SRGAP1: variants seen among roughly 807,000 people sequenced by gnomAD.
SRGAP1 encodes SLIT-ROBO Rho GTPase-activating protein 1.
A neutral mutation model predicts 121.9 loss-of-function variants in SRGAP1; 43 were observed. That is an observed-to-expected ratio of 0.35 (90% CI 0.28 to 0.46). SRGAP1 has a LOEUF of 0.46. SRGAP1 is among the 20% of genes least tolerant of loss of function. SRGAP1 has a pLI of 1.00. For missense variants in SRGAP1, 1,102 were observed against 1,350.9 expected, an observed-to-expected ratio of 0.82 and a Z score of 2.89; for synonymous variants, 447 against 485.4, an observed-to-expected ratio of 0.92 and a Z score of 1.04.
At chr12:64,012,152 A>G (rs1025626087) in intron 3 of SRGAP1, among the ~76,000 whole-genome samples, 1 of 152,184 alleles carries the variant, frequency 6.6e-6, no homozygotes, top group African/African-American at 2.4e-5. Context: ...CATTTTCATG[A>G]TGGAAAAAGA....
chr12:64,054,756 C>CT (rs1324952435), intron 6 of SRGAP1, among the ~76,000 whole-genome samples: 2 of 151,530 alleles, frequency 1.3e-5, no homozygotes, highest in African/African-American at 2.4e-5. Flanking sequence ...TATTATTATA[C>CT]TTTAAGTTTT....
At chr12:64,078,204 A>G (rs1039248370) in intron 8 of SRGAP1, among the ~76,000 whole-genome samples, 1 of 152,332 alleles carries the variant, frequency 6.6e-6, no homozygotes, top group East Asian at 1.9e-4. Flanking sequence ...AATTCTATTC[A>G]TATATGTGTG....
chr12:64,052,708 G>A (rs1262600371), intron 6 of SRGAP1, among the ~76,000 whole-genome samples: 1 of 152,042 alleles, frequency 6.6e-6, no homozygotes, highest in Non-Finnish European at 1.5e-5. Flanking sequence ...ACTTGTACCT[G>A]CCAATCTTTT....
chr12:64,002,246 C>G (rs1313420847), intron 3 of SRGAP1, among the ~76,000 whole-genome samples: 1 of 152,192 alleles, frequency 6.6e-6, no homozygotes, highest in Non-Finnish European at 1.5e-5. Context: ...ACCAGACAAT[C>G]CCAAAATGGC....
At chr12:63,867,694 A>G (rs982677359) in intron 1 of SRGAP1, among the ~76,000 whole-genome samples, 4 of 152,198 alleles carry the variant, frequency 2.6e-5, no homozygotes, top group Non-Finnish European at 5.9e-5. Context: ...TAAGGGCTCA[A>G]TAACAATGAG....
intron 1 of SRGAP1, among the ~76,000 whole-genome samples, chr12:63,916,034 T>TA (rs1478094331): frequency 4.4e-5 from 2 of 45,216 alleles, no homozygotes; most frequent in African/African-American, 2.6e-4. Flanking sequence ...TTTCTTTTCT[T>TA]TTTTTTTTTT....
intron 1 of SRGAP1, among the ~76,000 whole-genome samples, chr12:63,980,667 C>G (rs751873448): frequency 3.3e-5 from 5 of 151,100 alleles, no homozygotes; most frequent in Non-Finnish European, 4.4e-5. Context: ...AATCTCTGCT[C>G]ACTGCAACCT....
At chr12:63,960,426 G>A (rs2032602746) in intron 1 of SRGAP1, among the ~76,000 whole-genome samples, 1 of 151,928 alleles carries the variant, frequency 6.6e-6, no homozygotes, top group African/African-American at 2.4e-5. Flanking sequence ...TTCCTCATGG[G>A]TTCCTCTACC....
intron 1 of SRGAP1, among the ~76,000 whole-genome samples, chr12:63,850,478 C>G (rs2136252818): frequency 6.6e-6 from 1 of 151,036 alleles, no homozygotes; most frequent in South Asian, 2.1e-4. Flanking sequence ...GTCACCCAGG[C>G]TGCAGTGCAG....
chr12:63,908,589 C>T (rs2030338473), intron 1 of SRGAP1, among the ~76,000 whole-genome samples: 1 of 152,298 alleles, frequency 6.6e-6, no homozygotes, highest in East Asian at 1.9e-4. Flanking sequence ...AGGGTTTCAC[C>T]ATGTTGGCCA....
In SRGAP1 at chr12:63,954,688, A is replaced by AAG. The variant is rs1555244919; in HGVS notation, c.68-29258_68-29257insGA. ...GCGAGACTCCATCTCAAAAAAAAAAAAAAAGAAAAGAAAAAGCAGTGTGAG... is the reference window on the plus strand; with the variant it reads ...GCGAGACTCCATCTCAAAAAAAAAAAAGAAAAGAAAAGAAAAAGCAGTGTGAG... On this transcript the variant is annotated intron_variant, in intron 1 of 21. Transcript: ENST00000355086. 1.8e-4 allele frequency among the ~76,000 whole-genome samples: 23 copies of AAG among 130,220 alleles called. 1 individual carries two copies. Among genetic ancestry groups the AAG allele is most frequent in the African/African-American group, 6.5e-4 (23 of 35,246 alleles). 85.4% of individuals were successfully genotyped at this position (130,220 alleles called of 152,430 possible). A position where few individuals can be genotyped will look rare whatever the true frequency, so the allele number is the denominator to read the frequency against.
chr12:64,139,333 C>A (rs1334014251), intron 21 of SRGAP1, among the ~76,000 whole-genome samples: 1 of 152,188 alleles, frequency 6.6e-6, no homozygotes, highest in East Asian at 1.9e-4. Context: ...TGGAATTAGT[C>A]AAGTGTGTAG....
At chr12:64,124,198 C>T (rs920149575) in intron 18 of SRGAP1, among the ~76,000 whole-genome samples, 7 of 152,188 alleles carry the variant, frequency 4.6e-5, no homozygotes, top group East Asian at 1.9e-4. Flanking sequence ...TTTATGCTTT[C>T]GCCTTCTATG....
intron 1 of SRGAP1, among the ~76,000 whole-genome samples, chr12:63,915,049 G>A (rs1220047957): frequency 6.6e-6 from 1 of 151,966 alleles, no homozygotes; most frequent in Non-Finnish European, 1.5e-5. Context: ...ATTTTTGTAA[G>A]AAACCTCCAT....
intron 4 of SRGAP1, among the ~76,000 whole-genome samples, chr12:64,031,068 A>C (rs974850234): frequency 1.3e-5 from 2 of 152,178 alleles, no homozygotes; most frequent in Non-Finnish European, 2.9e-5. Context: ...CTGTAATCCC[A>C]GCACTTTGGG....
At chr12:64,098,459 C>G (rs1304574206) in intron 15 of SRGAP1, among the ~76,000 whole-genome samples, 2 of 151,946 alleles carry the variant, frequency 1.3e-5, no homozygotes, top group Non-Finnish European at 2.9e-5. Context: ...TGCTTGGTCT[C>G]CATTAGTTTG....
chr12:64,137,410 GA>G (rs1439471298), intron 21 of SRGAP1, among the ~76,000 whole-genome samples: 1 of 151,948 alleles, frequency 6.6e-6, no homozygotes, highest in Non-Finnish European at 1.5e-5. Flanking sequence ...GTAATAACTT[GA>G]AAAGTGATGT....
At chr12:63,854,319 T>C (rs181701953) in intron 1 of SRGAP1, among the ~76,000 whole-genome samples, 53 of 152,336 alleles carry the variant, frequency 3.5e-4, no homozygotes, top group Non-Finnish European at 4.6e-4. Context: ...TTGAACACTT[T>C]CTGAATTTTT....
At chr12:63,953,830 C>T (rs1404834281) in intron 1 of SRGAP1, among the ~76,000 whole-genome samples, 3 of 152,150 alleles carry the variant, frequency 2.0e-5, no homozygotes, top group Non-Finnish European at 4.4e-5. Flanking sequence ...TTCATGTCAG[C>T]ACTTCTAGCA....
Sources: allele counts gnomAD v4.1 joint callset (sites outside exome capture counted in the v4.1 genomes callset), GRCh38; gene constraint gnomAD v4.1.1; transcripts MANE v1.5; gene names NCBI Gene and HGNC (gene_info 2026-07-23, HGNC 2026-07-21).